CD6: variants seen among roughly 807,000 people sequenced by gnomAD.
The protein encoded by CD6 is CD6 molecule.
CD6 carries 53 observed loss-of-function variants against 75.3 expected under a neutral mutation model. The ratio of observed to expected loss-of-function variants is 0.70; its 90% CI spans 0.56 to 0.88. The LOEUF (loss-of-function observed/expected upper bound fraction) is 0.88, where lower values mean the gene tolerates loss of function less well. Ranked by LOEUF, CD6 falls within the 40% of genes least tolerant of loss-of-function variation. CD6 has a pLI of 0.00. For synonymous variants in CD6, 359 were observed against 381.5 expected, an observed-to-expected ratio of 0.94 and a Z score of 0.69; for missense variants, 770 against 897.1, an observed-to-expected ratio of 0.86 and a Z score of 1.81.
intron 1 of CD6, among the ~76,000 whole-genome samples, chr11:60,972,617 G>C (rs2134973894): frequency 6.6e-6 from 1 of 152,322 alleles, no homozygotes; most frequent in South Asian, 2.1e-4. Flanking sequence ...GGCCAGAGCG[G>C]GGCAGGGGCC....
chr11:61,008,939 C>T, intron 4 of CD6, 94 bp downstream of exon 4: 1 of 1,111,726 alleles, frequency 9.0e-7, no homozygotes, highest in South Asian at 1.8e-5. Context: ...GAGAGGTGGT[C>T]CCTGCCCTTG....
chr11:61,020,306 C>T lies in CD6; in HGVS notation c.*988C>T, dbSNP rs2134523027. ...TCTCCGTGCAGCCCCCAGAGAGAGG[C>T]CCATGGGCTCAGACCAGGCTTTGTT... On this transcript the variant is annotated 3_prime_UTR_variant, in exon 13 of 13. Coordinates refer to ENST00000313421, the MANE Select transcript of CD6 (RefSeq NM_006725.5). 5.0e-6 allele frequency: 2 copies of T among 399,026 alleles called. No individual in the cohort carries two copies. The highest frequency in any genetic ancestry group is 1.3e-4 in the South Asian group (1 of 7,844). The allele number at this position is 399,026 out of a possible 1,614,324, so 24.7% of individuals were successfully genotyped here. A position where few individuals can be genotyped will look rare whatever the true frequency, so the allele number is the denominator to read the frequency against.
intron 1 of CD6, among the ~76,000 whole-genome samples, chr11:60,977,458 CAA>C (rs1486416637): frequency 6.6e-6 from 1 of 152,190 alleles, no homozygotes; most frequent in Non-Finnish European, 1.5e-5. Context: ...CCTCAGCTAG[CAA>C]GACCTCCAGG....
rs1005461801 is a variant in CD6 at position 61,007,762 on chromosome 11, G to A, written c.321G>A (p.Pro107=). ...CGCCGACCCCTGAGCTGCCGCCCCCGCCTGCAGCCGGGAACACCAGCGTAG... is the reference window on the plus strand; with the variant it reads ...CGCCGACCCCTGAGCTGCCGCCCCCACCTGCAGCCGGGAACACCAGCGTAG... ...LAPPTPELPP[P]PAAGNTSVAA... is the part of the protein sequence containing the mutation. Residue 107 remains proline, a synonymous_variant, in exon 3 of 13, where the codon CCG becomes CCA. Coordinates refer to ENST00000313421, the MANE Select transcript of CD6 (RefSeq NM_006725.5). This position sits in a 1 kb window ranked among gnomAD's most constrained non-coding sequence, Gnocchi z 4.2. 5 of 1,455,548 alleles carry A rather than the reference G, an allele frequency of 3.4e-6. No homozygotes were observed. Among genetic ancestry groups the A allele is most frequent in the African/African-American group, 2.9e-5 (2 of 67,906 alleles). The allele number at this position is 1,455,548 out of a possible 1,614,324, so 90.2% of individuals were successfully genotyped here. A position where few individuals can be genotyped will look rare whatever the true frequency, so the allele number is the denominator to read the frequency against.
At chr11:60,992,702 C>T (rs1858116230) in intron 1 of CD6, among the ~76,000 whole-genome samples, 1 of 151,936 alleles carries the variant, frequency 6.6e-6, no homozygotes, top group Non-Finnish European at 1.5e-5. Context: ...GTGGCGTGCA[C>T]CTGTAATCCC....
chr11:60,977,301 G>C (rs1857400801), intron 1 of CD6, among the ~76,000 whole-genome samples: 1 of 152,196 alleles, frequency 6.6e-6, no homozygotes, highest in Non-Finnish European at 1.5e-5. Flanking sequence ...ACAGGAGCTT[G>C]GAGTGTAGAC....
intron 8 of CD6, 53 bp from the exon 9 acceptor site, chr11:61,015,660 T>A: frequency 6.2e-7 from 1 of 1,608,542 alleles, no homozygotes; most frequent in Non-Finnish European, 8.5e-7. Flanking sequence ...CATCCCTCCC[T>A]ACACCTTTCC....
chr11:60,992,683 C>G (rs1229411270), intron 1 of CD6, among the ~76,000 whole-genome samples: 1 of 151,886 alleles, frequency 6.6e-6, no homozygotes, highest in Non-Finnish European at 1.5e-5. Flanking sequence ...CAAAAATTAG[C>G]CGAGCATGGT....
At position 61,008,787 on chromosome 11, in the gene CD6, G is replaced by A. The variant is rs770784436; in HGVS notation, c.723G>A (p.Pro241=). Residue 241 remains proline (P), a synonymous_variant, in exon 4 of 13, where the codon CCG becomes CCA. Coordinates refer to ENST00000313421, the MANE Select transcript of CD6 (RefSeq NM_006725.5). ...CCGAAGCTTACCTGTGGGACTGCCC[G>A]GGGCTGCCAGGACAGCACTACTGCG... The part of the protein sequence containing the change: ...SGAEAYLWDC[P]GLPGQHYCGH... 27 of 1,591,942 alleles carry A rather than the reference G, an allele frequency of 1.7e-5. No homozygotes were observed. Among genetic ancestry groups the A allele is most frequent in the Middle Eastern group, 1.7e-4 (1 of 5,972 alleles).
intron 1 of CD6, among the ~76,000 whole-genome samples, chr11:60,992,553 C>T (rs899526517): frequency 1.2e-4 from 18 of 152,056 alleles, no homozygotes; most frequent in South Asian, 4.1e-4. Context: ...GAGGGCCGGG[C>T]GCTGTGGCTC....
chr11:61,008,481 C>A, intron 3 of CD6, 53 bp from the exon 4 acceptor site: 1 of 1,475,898 alleles, frequency 6.8e-7, no homozygotes, highest in Non-Finnish European at 9.1e-7. Context: ...ATCACCCCAA[C>A]CCTCCCTTCC....
intron 1 of CD6, chr11:60,982,477 G>T: frequency 4.7e-6 from 2 of 422,868 alleles, no homozygotes; most frequent in Admixed American, 2.6e-5. Flanking sequence ...TTGCTAGGGT[G>T]TTCACCTCTT....
At chr11:61,011,697 C>A (rs1859161529) in intron 6 of CD6, among the ~76,000 whole-genome samples, 1 of 152,216 alleles carries the variant, frequency 6.6e-6, no homozygotes, top group South Asian at 2.1e-4. Flanking sequence ...CCAGAACTGA[C>A]AACCAAGGCT....
intron 1 of CD6, among the ~76,000 whole-genome samples, chr11:60,980,657 C>T (rs975283532): frequency 2.0e-5 from 3 of 152,072 alleles, no homozygotes; most frequent in Admixed American, 2.0e-4. Flanking sequence ...GGCGAAACCC[C>T]GTCCCTAGTA....
At chr11:60,979,370 G>A (rs893520208) in intron 1 of CD6, among the ~76,000 whole-genome samples, 5 of 152,266 alleles carry the variant, frequency 3.3e-5, no homozygotes, top group Admixed American at 3.3e-4. Flanking sequence ...GGGTTGCCCT[G>A]CACCTTGGGG....
In CD6 at chr11:60,975,286, C is replaced by A. The variant is rs533937858; in HGVS notation, c.49+3372C>A. On this transcript the variant is annotated intron_variant, in intron 1 of 12. Coordinates refer to ENST00000313421, the MANE Select transcript of CD6 (RefSeq NM_006725.5). ...GGTTCTGTGCTATTCCATAGGGTAG[C>A]CCCTACAATCACGCATTTAAAATGT... 2.0e-5 allele frequency among the ~76,000 whole-genome samples: 3 copies of A among 152,258 alleles called. No homozygotes were observed. The East Asian group carries it at 5.8e-4, about 29-fold the overall frequency.
At chr11:60,983,244 G>A (rs1195823071) in intron 1 of CD6, among the ~76,000 whole-genome samples, 2 of 151,700 alleles carry the variant, frequency 1.3e-5, no homozygotes, top group South Asian at 2.1e-4. Context: ...CTACAGTCCC[G>A]CACCACCACG....
chr11:60,984,277 C>T (rs1428697011), intron 1 of CD6, among the ~76,000 whole-genome samples: 2 of 152,094 alleles, frequency 1.3e-5, no homozygotes, highest in Non-Finnish European at 2.9e-5. Flanking sequence ...TATTATAATT[C>T]CACCATTCCT....
At chr11:60,993,410 C>A (rs1466985088) in intron 1 of CD6, among the ~76,000 whole-genome samples, 1 of 151,618 alleles carries the variant, frequency 6.6e-6, no homozygotes, top group African/African-American at 2.4e-5. Context: ...AGCCAGCTGC[C>A]GTCCCATAGC....
Sources: allele counts gnomAD v4.1 joint callset (sites outside exome capture counted in the v4.1 genomes callset), GRCh38; gene constraint gnomAD v4.1.1; non-coding constraint Gnocchi (gnomAD v3.1); transcripts MANE v1.5; gene names NCBI Gene and HGNC (gene_info 2026-07-23, HGNC 2026-07-21).